Variants in CASP9 observed in about 807,000 individuals in gnomAD.
The protein encoded by CASP9 is caspase 9.
Under a neutral mutation model 43.5 loss-of-function variants are expected in CASP9, and 29 were observed. That is an observed-to-expected ratio of 0.67 (90% CI 0.50 to 0.91). The LOEUF (loss-of-function observed/expected upper bound fraction) is 0.91, where lower values mean the gene tolerates loss of function less well. Ranked by LOEUF, CASP9 falls within the 40% of genes least tolerant of loss-of-function variation. The probability of loss-of-function intolerance (pLI) is 0.00; values close to 1 mark genes in which losing one functional copy is unlikely to be tolerated. For missense variants in CASP9, 575 were observed against 537.4 expected, an observed-to-expected ratio of 1.07 and a Z score of -0.69; for synonymous variants, 206 against 211.9, an observed-to-expected ratio of 0.97 and a Z score of 0.24.
rs539314308 is a variant in CASP9 at position 15,521,484 on chromosome 1, T to C, written c.132+2585A>G. ...ACTCCTGGTTCCTGTTTGAAGTTCA[T>C]AGATAGCGGTAGAAGAAATAGTGAA... is the stretch of plus-strand genomic sequence containing the variant. On this transcript the variant is annotated intron_variant, in intron 1 of 8. Coordinates refer to ENST00000333868, the MANE Select transcript of CASP9 (RefSeq NM_001229.5). Among the ~76,000 whole-genome samples, 7 of 152,250 alleles carry C rather than the reference T, an allele frequency of 4.6e-5. No homozygotes were observed. In the South Asian group the frequency reaches 1.2e-3, roughly 27 times the overall value.
intron 6 of CASP9, among the ~76,000 whole-genome samples, chr1:15,497,646 A>C (rs1376146726): frequency 2.2e-5 from 3 of 135,314 alleles, no homozygotes; most frequent in Admixed American, 2.1e-4. Context: ...TGTCTCAAGA[A>C]AAAAAAAAAA....
At chr1:15,513,882 T>C (rs996474979) in intron 2 of CASP9, among the ~76,000 whole-genome samples, 2 of 152,198 alleles carry the variant, frequency 1.3e-5, no homozygotes, top group African/African-American at 4.8e-5. Flanking sequence ...TCTGGGCTTC[T>C]GATTTCCCCA....
At chr1:15,494,030 T>C in intron 7 of CASP9, 29 bp from the exon 8 acceptor site, 1 of 1,552,582 alleles carries the variant, frequency 6.4e-7, no homozygotes. Context: ...TGAACACTGC[T>C]GGAGAGCCAC....
intron 2 of CASP9, among the ~76,000 whole-genome samples, chr1:15,515,725 G>A (rs1480760436): frequency 1.3e-5 from 2 of 152,222 alleles, no homozygotes; most frequent in Non-Finnish European, 2.9e-5. Flanking sequence ...ATGTGGGAAA[G>A]TGGTCACCTT....
At position 15,506,902 on chromosome 1, in the gene CASP9, G is replaced by A; in HGVS notation, c.627C>T (p.Ala209=). The A allele has an allele frequency of 2.5e-6, 4 of 1,596,602 alleles. No individual in the cohort carries two copies. Among genetic ancestry groups the A allele is most frequent in the East Asian group, 2.2e-5 (1 of 44,608 alleles). ...FMVEVKGDLT[A]KKMVLALLEL... ...CCTCCACAGATAGTGAGTGTACCTT[G>A]GCAGTCAGGTCGCCCTTCACCTCCA... The change falls in exon 4 of 9, where the codon GCC becomes GCT. Residue 209 remains alanine (A), a synonymous_variant. Transcript: ENST00000333868.
At chr1:15,518,007 G>A (rs1710018649) in intron 2 of CASP9, 103 bp downstream of exon 2, 1 of 1,342,270 alleles carries the variant, frequency 7.5e-7, no homozygotes, top group Non-Finnish European at 1.0e-6. Context: ...GAAAGACAAT[G>A]CTAAAATTAA....
At chr1:15,516,045 T>TA (rs1709934345) in intron 2 of CASP9, among the ~76,000 whole-genome samples, 1 of 151,818 alleles carries the variant, frequency 6.6e-6, no homozygotes, top group South Asian at 2.1e-4. Context: ...CTACTAAAAA[T>TA]ACAAAAATTA....
At chr1:15,513,230 T>C (rs1709830612) in intron 2 of CASP9, among the ~76,000 whole-genome samples, 1 of 151,422 alleles carries the variant, frequency 6.6e-6, no homozygotes, top group Non-Finnish European at 1.5e-5. Context: ...AATCATTAGC[T>C]CATGCAAATG....
rs934349478 is a variant in CASP9 at position 15,493,042 on chromosome 1, G to C, written c.1159-7C>G. The C allele has an allele frequency of 9.3e-6, 15 of 1,613,938 alleles. No individual in the cohort carries two copies. The highest frequency in any genetic ancestry group is 1.2e-5 in the Non-Finnish European group (14 of 1,180,028). ...CCGAAACAGCATTAGCGACCTGTAA[G>C]ACATGACCATGGAGAGCTCTGTGAG... On this transcript the variant is annotated splice_region_variant and splice_polypyrimidine_tract_variant and intron_variant, in intron 8 of 8. Transcript: ENST00000333868.
Position 15,492,839 on chromosome 1 carries a change from T to G in CASP9, c.*104A>C. The G allele has an allele frequency of 4.0e-6, 6 of 1,494,440 alleles. No homozygotes were observed. Among genetic ancestry groups the G allele is most frequent in the Non-Finnish European group, 5.4e-6 (6 of 1,112,990 alleles). The allele number at this position is 1,494,440 out of a possible 1,614,324, so 92.6% of individuals were successfully genotyped here. On this transcript the variant is annotated 3_prime_UTR_variant, in exon 9 of 9. Transcript: ENST00000333868. ...GAGAAAGAGCAGACCCTGTGCCGGC[T>G]GCAAAGTCCTTGAGTTGCAGGAAAG...
rs1390336563 is a variant in CASP9, at chr1:15,524,192, T to C, written c.9A>G (p.Glu3=). 6.5e-7 allele frequency: 1 copy of C among 1,545,992 alleles called. No homozygotes were observed. Among genetic ancestry groups the C allele is most frequent in the Non-Finnish European group, 8.7e-7 (1 of 1,150,472 alleles). ...ACCGCCGCAGGAGCCGCCGATCCGCTTCGTCCATGGCGAGTAGCCAACTAA... is the reference window on the plus strand; with the variant it reads ...ACCGCCGCAGGAGCCGCCGATCCGCCTCGTCCATGGCGAGTAGCCAACTAA... MD[E]ADRRLLRRCR... is the part of the protein sequence containing the mutation. The change falls in exon 1 of 9, where the codon GAA becomes GAG. Residue 3 remains glutamate, a synonymous_variant. Coordinates refer to ENST00000333868, the MANE Select transcript of CASP9 (RefSeq NM_001229.5).
In CASP9 at chr1:15,506,519, C is replaced by T. The variant is rs368023969; in HGVS notation, c.630+380G>A. 2.4e-4 allele frequency among the ~76,000 whole-genome samples: 37 copies of T among 152,138 alleles called. No individual in the cohort carries two copies. The South Asian group carries it at 7.7e-3, about 32-fold the overall frequency. Reference sequence around the variant, plus strand: ...CCCAAACGCCTGGGCAGAGCACTTTCTCGGTTTCCCAGGGCCAGTACCGAA... The same window carrying T: ...CCCAAACGCCTGGGCAGAGCACTTTTTCGGTTTCCCAGGGCCAGTACCGAA... On this transcript the variant is annotated intron_variant, in intron 4 of 8. Coordinates refer to ENST00000333868, the MANE Select transcript of CASP9 (RefSeq NM_001229.5).
chr1:15,500,233 A>G (rs943467344), intron 6 of CASP9, among the ~76,000 whole-genome samples: 1 of 152,206 alleles, frequency 6.6e-6, no homozygotes, highest in Admixed American at 6.5e-5. Flanking sequence ...GGTCCCCTGC[A>G]AAAACACTCC....
chr1:15,523,988 G>A (rs4645985), intron 1 of CASP9, 81 bp downstream of exon 1: 593,760 of 1,086,620 alleles, frequency 0.55, 167,171 homozygotes, highest in African/African-American at 0.85. Flanking sequence ...CCACAGGGAA[G>A]GCTAGGCTCC....
intron 6 of CASP9, 56 bp from the exon 7 acceptor site, chr1:15,495,508 T>C: frequency 6.9e-7 from 1 of 1,439,352 alleles, no homozygotes; most frequent in Non-Finnish European, 9.3e-7. Flanking sequence ...ACAAGGATGG[T>C]TCAACATATG....
intron 2 of CASP9, among the ~76,000 whole-genome samples, chr1:15,508,185 A>T (rs1261779142): frequency 6.6e-6 from 1 of 152,226 alleles, no homozygotes; most frequent in Admixed American, 6.5e-5. Context: ...CTGAGGCCTT[A>T]TTCATCACGC....
chr1:15,493,469 G>T, intron 8 of CASP9: 3 of 1,274,278 alleles, frequency 2.4e-6, no homozygotes, highest in Non-Finnish European at 3.0e-6. Context: ...TCCTCACTGG[G>T]GCCTCCTGAG....
chr1:15,500,548 G>A (rs992265729), intron 6 of CASP9, among the ~76,000 whole-genome samples: 1 of 152,164 alleles, frequency 6.6e-6, no homozygotes, highest in Non-Finnish European at 1.5e-5. Context: ...TCTGCCCCAT[G>A]TTTTTTGCCT....
upstream of CASP9, chr1:15,524,599 G>GC: frequency 1.2e-6 from 1 of 830,714 alleles, no homozygotes; most frequent in Non-Finnish European, 1.4e-6. Flanking sequence ...TCACCGCCCC[G>GC]CCCCCGCGTT....
Sources: allele counts gnomAD v4.1 joint callset (sites outside exome capture counted in the v4.1 genomes callset), GRCh38; gene constraint gnomAD v4.1.1; transcripts MANE v1.5; gene names NCBI Gene and HGNC (gene_info 2026-07-23, HGNC 2026-07-21).